Variants in TXN2 observed in about 807,000 individuals in gnomAD.
The protein encoded by TXN2 is thioredoxin 2.
Under a neutral mutation model 14.6 loss-of-function variants are expected in TXN2, and 12 were observed. The ratio of observed to expected loss-of-function variants is 0.82; its 90% CI spans 0.53 to 1.33. The LOEUF (loss-of-function observed/expected upper bound fraction) is 1.33, where lower values mean the gene tolerates loss of function less well. Ranked by LOEUF, TXN2 falls within the 40% of genes most tolerant of loss-of-function variation. TXN2 has a pLI of 0.00. For synonymous variants in TXN2, 89 were observed against 81.0 expected, an observed-to-expected ratio of 1.10 and a Z score of -0.53; for missense variants, 173 against 207.7, an observed-to-expected ratio of 0.83 and a Z score of 1.03.
intron 1 of TXN2, chr22:36,481,193 G>GGAAGACCAA: frequency 5.7e-6 from 1 of 174,902 alleles, no homozygotes; most frequent in Non-Finnish European, 1.2e-5. Flanking sequence ...AGTTGCTATT[G>GGAAGACCAA]TACTGCCCAC....
chr22:36,477,025 G>C (rs1301975600), intron 2 of TXN2, among the ~76,000 whole-genome samples, 169 bp from the exon 3 acceptor site: 1 of 152,082 alleles, frequency 6.6e-6, no homozygotes, highest in Non-Finnish European at 1.5e-5. Context: ...TCTGCACATG[G>C]GAAATCTTCA....
intron 3 of TXN2, chr22:36,468,708 G>A (rs1933209872): frequency 2.3e-6 from 1 of 443,540 alleles, no homozygotes; most frequent in Non-Finnish European, 4.5e-6. Context: ...CTGGGTGACA[G>A]AGACCCTGCC....
intron 3 of TXN2, among the ~76,000 whole-genome samples, chr22:36,475,964 G>T (rs1304503344): frequency 6.6e-6 from 1 of 152,134 alleles, no homozygotes; most frequent in Admixed American, 6.5e-5. Flanking sequence ...CAAGCAAACA[G>T]TCCCTTCTTC....
At position 36,467,657 on chromosome 22, in the gene TXN2, T is replaced by G; in HGVS notation, c.*147A>C. The G allele has an allele frequency of 1.5e-6, 1 of 688,928 alleles. No homozygotes were observed. Among genetic ancestry groups the G allele is most frequent in the South Asian group, 1.7e-5 (1 of 58,552 alleles). The allele number at this position is 688,928 out of a possible 1,614,324, so 42.7% of individuals were successfully genotyped here. Reference sequence around the variant, plus strand: ...GATGGCCCCTGGGCAGTCCGCCAGCTCGGAAGCACTCAGGGCTGGAGCCTG... The same window carrying G: ...GATGGCCCCTGGGCAGTCCGCCAGCGCGGAAGCACTCAGGGCTGGAGCCTG... On this transcript the variant is annotated 3_prime_UTR_variant, in exon 4 of 4. Coordinates refer to ENST00000216185, the MANE Select transcript of TXN2 (RefSeq NM_012473.4).
At chr22:36,479,701 T>C (rs1933459262) in intron 2 of TXN2, among the ~76,000 whole-genome samples, 1 of 152,140 alleles carries the variant, frequency 6.6e-6, no homozygotes. Flanking sequence ...GAGGGCTTTG[T>C]CCAGCTTTTG....
chr22:36,477,210 CT>C (rs958056275), intron 2 of TXN2, among the ~76,000 whole-genome samples: 9 of 151,832 alleles, frequency 5.9e-5, no homozygotes, highest in Non-Finnish European at 1.0e-4. Context: ...CCCTAGTTTC[CT>C]TTTTTTCTTT....
At chr22:36,469,644 T>G (rs766778774) in intron 3 of TXN2, among the ~76,000 whole-genome samples, 8 of 152,130 alleles carry the variant, frequency 5.3e-5, no homozygotes, top group Non-Finnish European at 1.0e-4. Flanking sequence ...TCGTGGGCAT[T>G]TGAGAAAACC....
In TXN2 at chr22:36,467,201, C is replaced by G. The variant is rs556469489; in HGVS notation, c.*603G>C. 6.5e-6 allele frequency: 1 copy of G among 153,054 alleles called. No homozygotes were observed. The highest frequency in any genetic ancestry group is 6.5e-5 in the Admixed American group (1 of 15,352). 9.5% of individuals were successfully genotyped at this position (153,054 alleles called of 1,614,324 possible). A position where few individuals can be genotyped will look rare whatever the true frequency, so the allele number is the denominator to read the frequency against. On this transcript the variant is annotated 3_prime_UTR_variant, in exon 4 of 4. Transcript: ENST00000216185. Reference sequence around the variant, plus strand: ...CCCAGCCCATCAATCATTTTCTGCACCCCCTGCCTGGGAGGCAGCTCCCTG... The same window carrying G: ...CCCAGCCCATCAATCATTTTCTGCAGCCCCTGCCTGGGAGGCAGCTCCCTG...
At chr22:36,471,657 T>A (rs1470511738) in intron 3 of TXN2, among the ~76,000 whole-genome samples, 1 of 152,072 alleles carries the variant, frequency 6.6e-6, no homozygotes, top group Non-Finnish European at 1.5e-5. Context: ...GCTCAAAGGG[T>A]GAGCAACTGT....
At chr22:36,479,946 G>A (rs948494446) in intron 2 of TXN2, among the ~76,000 whole-genome samples, 2 of 150,510 alleles carry the variant, frequency 1.3e-5, no homozygotes, top group African/African-American at 2.5e-5. Flanking sequence ...GTAATGGCGC[G>A]ATCTTCAGCT....
Position 36,480,599 on chromosome 22 carries a change from G to C in TXN2, c.239C>G (p.Pro80Arg), listed in dbSNP as rs369451382. The C allele has an allele frequency of 6.2e-7, 1 of 1,613,826 alleles. No individual in the cohort carries two copies. The highest frequency in any genetic ancestry group is 1.3e-5 in the African/African-American group (1 of 74,918). Residue 80 changes from proline (P) to arginine (R), a missense_variant, in exon 2 of 4, where the codon CCA becomes CGA. Physicochemically the swap from Pro to Arg is moderately radical, Grantham distance 103. Coordinates refer to ENST00000216185, the MANE Select transcript of TXN2 (RefSeq NM_012473.4). ...CTGTGCGTGGAAATCCACAACCACT[G>C]GTGTCTCACTGTTGACCACTCGGTC... The part of the protein sequence containing the change: ...FQDRVVNSET[P>R]VVVDFHAQWC...
chr22:36,477,294 G>A (rs571616673), intron 2 of TXN2, among the ~76,000 whole-genome samples: 12 of 152,164 alleles, frequency 7.9e-5, no homozygotes, highest in African/African-American at 1.9e-4. Context: ...TGCAAGCTCC[G>A]CCTCCCTGGT....
intron 2 of TXN2, among the ~76,000 whole-genome samples, chr22:36,477,771 T>C (rs1933415773): frequency 6.6e-6 from 1 of 152,146 alleles, no homozygotes; most frequent in African/African-American, 2.4e-5. Context: ...CTGAAGCCCA[T>C]ACGAGTTAAG....
At chr22:36,473,956 A>AG (rs1455933176) in intron 3 of TXN2, among the ~76,000 whole-genome samples, 2 of 152,290 alleles carry the variant, frequency 1.3e-5, no homozygotes, top group South Asian at 2.1e-4. Flanking sequence ...GCTGGCCCTC[A>AG]GGGGGTGTCT....
At chr22:36,477,364 C>T (rs375802103) in intron 2 of TXN2, among the ~76,000 whole-genome samples, 9 of 152,190 alleles carry the variant, frequency 5.9e-5, no homozygotes, top group Non-Finnish European at 1.3e-4. Context: ...CCTGCCAACA[C>T]GCCCAGCTAA....
At chr22:36,469,136 G>C (rs1020204615) in intron 3 of TXN2, among the ~76,000 whole-genome samples, 1 of 152,230 alleles carries the variant, frequency 6.6e-6, no homozygotes. Context: ...CAGGTGAGCT[G>C]GGGCACGCCC....
intron 2 of TXN2, among the ~76,000 whole-genome samples, chr22:36,479,382 A>G (rs1026851627): frequency 8.3e-5 from 12 of 145,248 alleles, no homozygotes; most frequent in African/African-American, 3.1e-4. Flanking sequence ...CCCAGGCTGG[A>G]GTGCAATGGC....
rs372956773 is a variant in TXN2 at position 36,472,065 on chromosome 22, AAGAG to A, written c.388-4152_388-4149del. ...TCTGTTGTGCTTCTGCCCAGCAGCAAAGAGAGAGAGACATCTACTGAGTCCCAGC... is the reference window on the plus strand; with the variant it reads ...TCTGTTGTGCTTCTGCCCAGCAGCAAAGAGAGACATCTACTGAGTCCCAGC... On this transcript the variant is annotated intron_variant, in intron 3 of 3. Transcript: ENST00000216185. 1.6e-3 allele frequency among the ~76,000 whole-genome samples: 248 copies of A among 152,216 alleles called. 3 individuals are homozygous for A. Among genetic ancestry groups the A allele is most frequent in the African/African-American group, 5.5e-3 (228 of 41,538 alleles).
chr22:36,472,884 T>G (rs1292085471), intron 3 of TXN2, among the ~76,000 whole-genome samples: 1 of 105,270 alleles, frequency 9.5e-6, no homozygotes, highest in African/African-American at 6.3e-5. Flanking sequence ...GTCCGGGGCC[T>G]TCAGAACCAG....
Sources: allele counts gnomAD v4.1 joint callset (sites outside exome capture counted in the v4.1 genomes callset), GRCh38; gene constraint gnomAD v4.1.1; transcripts MANE v1.5; gene names NCBI Gene and HGNC (gene_info 2026-07-23, HGNC 2026-07-21).